The following DIP2C variants were observed in gnomAD, a reference collection of about 807,000 sequenced individuals.
The protein encoded by DIP2C is DIP2 acetate--CoA ligase C (putative).
A neutral mutation model predicts 192.4 loss-of-function variants in DIP2C; 33 were observed. The observed-to-expected ratio is 0.17, with a 90% CI of 0.13 to 0.23. The LOEUF is 0.23. Among genes scored for constraint, DIP2C ranks in the 10% least tolerant of loss-of-function variants. The probability of loss-of-function intolerance (pLI) is 1.00; values close to 1 mark genes in which losing one functional copy is unlikely to be tolerated. For synonymous variants in DIP2C, 979 were observed against 864.1 expected, an observed-to-expected ratio of 1.13 and a Z score of -2.33; for missense variants, 1,537 against 2,110.1, an observed-to-expected ratio of 0.73 and a Z score of 5.32.
chr10:376,422 C>T (rs1013145671), intron 17 of DIP2C, among the ~76,000 whole-genome samples: 1 of 150,402 alleles, frequency 6.6e-6, no homozygotes, highest in Non-Finnish European at 1.5e-5. Context: ...GAAGCACCTG[C>T]ACAACGTTGC....
At chr10:595,786 A>G (rs894907531) in intron 1 of DIP2C, among the ~76,000 whole-genome samples, 5 of 152,192 alleles carry the variant, frequency 3.3e-5, no homozygotes, top group Non-Finnish European at 5.9e-5. Context: ...GGGAAAAAAA[A>G]TTAACGTAAA....
At chr10:289,276 T>A (rs1210390212) in intron 32 of DIP2C, among the ~76,000 whole-genome samples, 1 of 151,934 alleles carries the variant, frequency 6.6e-6, no homozygotes, top group Non-Finnish European at 1.5e-5. Flanking sequence ...GTGATGTTTT[T>A]TTTTTTTTAA....
chr10:403,987 C>T (rs376369363), intron 9 of DIP2C, among the ~76,000 whole-genome samples: 1 of 72,222 alleles, frequency 1.4e-5, no homozygotes, highest in African/African-American at 5.6e-5. Flanking sequence ...GTATGTGTTC[C>T]TCAGCACATG....
intron 1 of DIP2C, among the ~76,000 whole-genome samples, chr10:500,381 C>A (rs1484537938): frequency 6.6e-6 from 1 of 152,246 alleles, no homozygotes; most frequent in Non-Finnish European, 1.5e-5. Flanking sequence ...GTCCAGGATA[C>A]ATGAAGGGAA....
intron 1 of DIP2C, among the ~76,000 whole-genome samples, chr10:538,801 A>T (rs1026407184): frequency 6.6e-6 from 1 of 152,256 alleles, no homozygotes; most frequent in Non-Finnish European, 1.5e-5. Flanking sequence ...TCTAAATTAT[A>T]TCAAAAAAAT....
intron 1 of DIP2C, among the ~76,000 whole-genome samples, chr10:588,245 C>T (rs1851193578): frequency 6.6e-6 from 1 of 151,380 alleles, no homozygotes; most frequent in Non-Finnish European, 1.5e-5. Context: ...CACATCCACA[C>T]CAGCCACTGC....
chr10:637,789 A>C (rs1854920554), intron 1 of DIP2C, among the ~76,000 whole-genome samples: 1 of 152,232 alleles, frequency 6.6e-6, no homozygotes, highest in Non-Finnish European at 1.5e-5. Context: ...AGTTCTCCCA[A>C]AAGGGCAAGC....
Position 297,829 on chromosome 10 carries a change from G to T in DIP2C, c.3987-9408C>A, listed in dbSNP as rs566480172. On this transcript the variant is annotated intron_variant, in intron 32 of 36. Coordinates refer to ENST00000280886, the MANE Select transcript of DIP2C (RefSeq NM_014974.3). ...AGATACCAAACATTCCCAAAGAAAT[G>T]ATGCACGCTCCCGATCTAATATCCC... 2.4e-4 allele frequency among the ~76,000 whole-genome samples: 37 copies of T among 152,270 alleles called. No individual in the cohort carries two copies. In the South Asian group the frequency reaches 7.7e-3, roughly 32 times the overall value.
chr10:417,660 T>TTCGAATAGGCCTCCCTGTCTGCCTGCG (rs1564684603), intron 6 of DIP2C, among the ~76,000 whole-genome samples: 8 of 12,124 alleles, frequency 6.6e-4, no homozygotes, highest in Non-Finnish European at 1.5e-3. Flanking sequence ...GTCCACCTGT[T>TTCGAATAGGCCTCCCTGTCTGCCTGCG]CCTGTCAGGG....
intron 1 of DIP2C, among the ~76,000 whole-genome samples, chr10:579,692 T>C (rs539254491): frequency 3.4e-4 from 51 of 152,176 alleles, no homozygotes; most frequent in African/African-American, 1.2e-3. Flanking sequence ...CAGTATAACA[T>C]GTATGTACAC....
At chr10:579,275 C>A (rs1850408319) in intron 1 of DIP2C, among the ~76,000 whole-genome samples, 2 of 151,896 alleles carry the variant, frequency 1.3e-5, no homozygotes, top group Admixed American at 1.3e-4. Flanking sequence ...ATACAGCATA[C>A]ACACATCCAG....
intron 26 of DIP2C, 40 bp from the exon 27 acceptor site, chr10:345,150 C>A: frequency 2.5e-6 from 4 of 1,575,438 alleles, no homozygotes; most frequent in Non-Finnish European, 2.6e-6. Context: ...GAACGTGGAC[C>A]CAGATGAAAG....
intron 30 of DIP2C, among the ~76,000 whole-genome samples, chr10:328,170 C>T (rs1246600907): frequency 2.0e-5 from 3 of 152,286 alleles, no homozygotes; most frequent in Non-Finnish European, 4.4e-5. Context: ...CTTTGACATT[C>T]GTGCTCAGTG....
chr10:507,784 C>A (rs1315480409), intron 1 of DIP2C, among the ~76,000 whole-genome samples: 1 of 152,202 alleles, frequency 6.6e-6, no homozygotes, highest in Non-Finnish European at 1.5e-5. Context: ...CCATGTCCCA[C>A]CCCATCTGTG....
At chr10:505,160 G>A (rs1845508697) in intron 1 of DIP2C, among the ~76,000 whole-genome samples, 1 of 152,202 alleles carries the variant, frequency 6.6e-6, no homozygotes, top group Admixed American at 6.5e-5. Flanking sequence ...AACGGGTCCA[G>A]TCATGTTCCG....
At chr10:572,807 C>A (rs1312965478) in intron 1 of DIP2C, among the ~76,000 whole-genome samples, 1 of 152,182 alleles carries the variant, frequency 6.6e-6, no homozygotes, top group Non-Finnish European at 1.5e-5. Flanking sequence ...GAGAAAATGA[C>A]CCCTCAGTCT....
chr10:363,596 A>C lies in DIP2C; in HGVS notation c.2478-285T>G, dbSNP rs967627863. Among the ~76,000 whole-genome samples the C allele has an allele frequency of 1.3e-5, 2 of 152,226 alleles. No homozygotes were observed. Among genetic ancestry groups the C allele is most frequent in the African/African-American group, 4.8e-5 (2 of 41,462 alleles). On this transcript the variant is annotated intron_variant, in intron 20 of 36. Coordinates refer to ENST00000280886, the MANE Select transcript of DIP2C (RefSeq NM_014974.3). This position sits in a 1 kb window ranked among gnomAD's most constrained non-coding sequence, Gnocchi z 5.4. ...GTTGCGCCTTTCGGTACAGAGGGGC[A>C]AATGCGCAATGATCAGACCTGCTGA... is the stretch of plus-strand genomic sequence containing the variant.
chr10:392,173 C>G (rs1006611401), intron 10 of DIP2C, among the ~76,000 whole-genome samples: 3 of 152,144 alleles, frequency 2.0e-5, no homozygotes, highest in African/African-American at 7.2e-5. Flanking sequence ...CATTAGCAAA[C>G]GTCCCGACTC....
intron 1 of DIP2C, among the ~76,000 whole-genome samples, chr10:512,797 C>A (rs1001061633): frequency 5.9e-5 from 9 of 151,418 alleles, no homozygotes; most frequent in African/African-American, 7.3e-5. Context: ...GCCTGTAATC[C>A]CAGCTACTAG....
Sources: allele counts gnomAD v4.1 joint callset (sites outside exome capture counted in the v4.1 genomes callset), GRCh38; gene constraint gnomAD v4.1.1; non-coding constraint Gnocchi (gnomAD v3.1); transcripts MANE v1.5; gene names NCBI Gene and HGNC (gene_info 2026-07-23, HGNC 2026-07-21).